CDH4: variants seen among roughly 807,000 people sequenced by gnomAD.
CDH4 encodes cadherin-4.
In CDH4, 33 loss-of-function variants were observed where a neutral mutation model predicts 86.0. The ratio of observed to expected loss-of-function variants is 0.38; its 90% CI spans 0.29 to 0.51. The LOEUF is 0.51. CDH4 is among the 20% of genes least tolerant of loss of function. The probability of loss-of-function intolerance (pLI) is 0.86; values close to 1 mark genes in which losing one functional copy is unlikely to be tolerated. For missense variants in CDH4, 1,114 were observed against 1,307.4 expected, an observed-to-expected ratio of 0.85 and a Z score of 2.28; for synonymous variants, 555 against 549.4, an observed-to-expected ratio of 1.01 and a Z score of -0.14.
chr20:61,544,845 C>T lies in CDH4; in HGVS notation c.170-198718C>T, dbSNP rs907110895. On this transcript the variant is annotated intron_variant, in intron 2 of 15. Transcript: ENST00000614565. This position sits in a 1 kb window ranked among gnomAD's most constrained non-coding sequence, Gnocchi z 6.5. ...TTGTTCCTCGGTTATAAAACTTGAGCTTTTAATTGAGGGGAGGGGGGATGC... is the reference window on the plus strand; with the variant it reads ...TTGTTCCTCGGTTATAAAACTTGAGTTTTTAATTGAGGGGAGGGGGGATGC... Among the ~76,000 whole-genome samples, 2 of 152,100 alleles carry T rather than the reference C, an allele frequency of 1.3e-5. No homozygotes were observed. The highest frequency in any genetic ancestry group is 4.8e-5 in the African/African-American group (2 of 41,412).
chr20:61,934,371 C>T lies in CDH4; in HGVS notation c.2544+151C>T, dbSNP rs1600793881. 1.0e-5 allele frequency: 8 copies of T among 801,590 alleles called. No individual in the cohort carries two copies. The East Asian group carries it at 2.5e-4, about 25-fold the overall frequency. The allele number at this position is 801,590 out of a possible 1,614,324, so 49.7% of individuals were successfully genotyped here. A position where few individuals can be genotyped will look rare whatever the true frequency, so the allele number is the denominator to read the frequency against. ...CCGGGTTCCAGGCCCTGCTCTGCCCCTCCAGCGGGGTGGCCTGGGCAAATC... is the reference window on the plus strand; with the variant it reads ...CCGGGTTCCAGGCCCTGCTCTGCCCTTCCAGCGGGGTGGCCTGGGCAAATC... On this transcript the variant is annotated intron_variant, in intron 15 of 15. Transcript: ENST00000614565.
intron 2 of CDH4, among the ~76,000 whole-genome samples, chr20:61,532,543 C>T (rs1050145167): frequency 7.2e-5 from 11 of 152,130 alleles, no homozygotes; most frequent in Non-Finnish European, 1.3e-4. Flanking sequence ...CAACAGAAAA[C>T]GATGAGTAAG....
chr20:61,626,350 T>C (rs1243640879), intron 2 of CDH4, among the ~76,000 whole-genome samples: 1 of 152,220 alleles, frequency 6.6e-6, no homozygotes, highest in African/African-American at 2.4e-5. Flanking sequence ...CTGGTCTCAT[T>C]GCACTGTCAC....
chr20:61,882,869 C>T (rs1390998655), intron 7 of CDH4, among the ~76,000 whole-genome samples: 2 of 151,506 alleles, frequency 1.3e-5, no homozygotes, highest in African/African-American at 2.4e-5. Context: ...GCCGGCCCCG[C>T]AGGTGCCTTT....
intron 2 of CDH4, among the ~76,000 whole-genome samples, chr20:61,721,281 A>G (rs546659308): frequency 6.6e-6 from 1 of 152,322 alleles, no homozygotes; most frequent in African/African-American, 2.4e-5. Context: ...TCTAATGTGC[A>G]TTCAGCAGAA....
chr20:61,377,739 T>C lies in CDH4; in HGVS notation c.169+122802T>C, dbSNP rs956654768. ...CTGGCTCCAAGCAATTCTTCAGTGC[T>C]GTGTAAAGGGTACATTCCATCTGTT... On this transcript the variant is annotated intron_variant, in intron 2 of 15. Transcript: ENST00000614565. The surrounding 1 kb of genome is among the most constrained non-coding windows in gnomAD (Gnocchi z 4.0). Among the ~76,000 whole-genome samples, 9 of 152,260 alleles carry C rather than the reference T, an allele frequency of 5.9e-5. No individual in the cohort carries two copies. Among genetic ancestry groups the C allele is most frequent in the Admixed American group, 2.0e-4 (3 of 15,280 alleles).
At chr20:61,790,517 A>T (rs964882642) in intron 4 of CDH4, among the ~76,000 whole-genome samples, 13 of 148,912 alleles carry the variant, frequency 8.7e-5, no homozygotes, top group Admixed American at 3.3e-4. Context: ...TCATCTTTCT[A>T]CCTATCCATT....
chr20:61,257,489 G>A (rs377528870), intron 2 of CDH4, among the ~76,000 whole-genome samples: 97 of 152,324 alleles, frequency 6.4e-4, no homozygotes, highest in African/African-American at 2.2e-3. Context: ...GCGGGACTTC[G>A]CTGCTGATCG....
chr20:61,514,446 G>A (rs943160230), intron 2 of CDH4, among the ~76,000 whole-genome samples: 1 of 152,162 alleles, frequency 6.6e-6, no homozygotes, highest in African/African-American at 2.4e-5. Context: ...CATAGGGAAC[G>A]AACATCTTGT....
chr20:61,297,997 C>T (rs1028965943), intron 2 of CDH4, among the ~76,000 whole-genome samples: 3 of 152,224 alleles, frequency 2.0e-5, no homozygotes, highest in Non-Finnish European at 2.9e-5. Context: ...TCTGGGGGCC[C>T]GTTATCCCGT....
At chr20:61,580,181 G>A (rs113062634) in intron 2 of CDH4, among the ~76,000 whole-genome samples, 8,785 of 152,070 alleles carry the variant, frequency 0.058, 526 homozygotes, top group African/African-American at 0.15. Context: ...CTGGCCAGGC[G>A]CAGTGGCTCA....
chr20:61,280,731 A>C (rs572361060), intron 2 of CDH4, among the ~76,000 whole-genome samples: 2 of 152,314 alleles, frequency 1.3e-5, no homozygotes, highest in African/African-American at 4.8e-5. Flanking sequence ...GCACAGTTCC[A>C]GCACCCCTGG....
intron 9 of CDH4, among the ~76,000 whole-genome samples, chr20:61,919,203 G>A (rs1485836065): frequency 1.3e-5 from 2 of 152,152 alleles, no homozygotes; most frequent in Non-Finnish European, 2.9e-5. Flanking sequence ...TCTTCTTTTT[G>A]TACTGAAATA....
At position 61,573,272 on chromosome 20, in the gene CDH4, C is replaced by T. The variant is rs150605861; in HGVS notation, c.170-170291C>T. On this transcript the variant is annotated intron_variant, in intron 2 of 15. Transcript: ENST00000614565. ...AGCAAAGGGAACACCAGCCTCTTCA[C>T]GTCTGGGAAGGAGAGTCAAAGTCCA... 3.4e-3 allele frequency among the ~76,000 whole-genome samples: 513 copies of T among 152,330 alleles called. 3 individuals are homozygous for T. Among genetic ancestry groups the T allele is most frequent in the South Asian group, 7.5e-3 (36 of 4,828 alleles).
At position 61,659,174 on chromosome 20, in the gene CDH4, C is replaced by T. The variant is rs188849636; in HGVS notation, c.170-84389C>T. On this transcript the variant is annotated intron_variant, in intron 2 of 15. Coordinates refer to ENST00000614565, the MANE Select transcript of CDH4 (RefSeq NM_001794.5). The stretch of plus-strand genomic sequence containing the variant: ...ACAGGAAGGAGGGCCTGGGACACGC[C>T]ACGTGAGGCCCTGCACCACCCGTGA... 2.0e-4 allele frequency among the ~76,000 whole-genome samples: 31 copies of T among 152,258 alleles called. No homozygotes were observed. The South Asian group carries it at 4.6e-3, about 22-fold the overall frequency.
Position 61,663,951 on chromosome 20 carries a change from T to C in CDH4, c.170-79612T>C, listed in dbSNP as rs1034581708. 1.3e-5 allele frequency among the ~76,000 whole-genome samples: 2 copies of C among 152,120 alleles called. No homozygotes were observed. Among genetic ancestry groups the C allele is most frequent in the Non-Finnish European group, 2.9e-5 (2 of 68,008 alleles). On this transcript the variant is annotated intron_variant, in intron 2 of 15. Transcript: ENST00000614565. The surrounding 1 kb of genome is among the most constrained non-coding windows in gnomAD (Gnocchi z 5.0). ...GACACTGTCCTCTGTCCAGCACCGG[T>C]CCACGTTGAGGTGTCTGTGTGCCAC...
At chr20:61,609,660 G>C (rs1439308797) in intron 2 of CDH4, among the ~76,000 whole-genome samples, 1 of 152,176 alleles carries the variant, frequency 6.6e-6, no homozygotes, top group South Asian at 2.1e-4. Flanking sequence ...GCCTGAACCA[G>C]GCAGCAGGTG....
At chr20:61,591,234 C>T (rs751525724) in intron 2 of CDH4, among the ~76,000 whole-genome samples, 3 of 152,196 alleles carry the variant, frequency 2.0e-5, no homozygotes, top group Non-Finnish European at 4.4e-5. Flanking sequence ...TGATAATTAC[C>T]ATATGAGACA....
At chr20:61,816,502 G>A (rs1980718518) in intron 4 of CDH4, among the ~76,000 whole-genome samples, 1 of 152,176 alleles carries the variant, frequency 6.6e-6, no homozygotes, top group Non-Finnish European at 1.5e-5. Context: ...GTTATAAAAA[G>A]TAGCTACTAT....
Sources: allele counts gnomAD v4.1 joint callset (sites outside exome capture counted in the v4.1 genomes callset), GRCh38; gene constraint gnomAD v4.1.1; non-coding constraint Gnocchi (gnomAD v3.1); transcripts MANE v1.5; gene names NCBI Gene and HGNC (gene_info 2026-07-23, HGNC 2026-07-21).